PRDM6: variants seen among roughly 807,000 people sequenced by gnomAD.
PRDM6 encodes PR/SET domain 6.
Under a neutral mutation model 60.8 loss-of-function variants are expected in PRDM6, and 25 were observed. The ratio of observed to expected loss-of-function variants is 0.41; its 90% confidence interval spans 0.30 to 0.57. The LOEUF (loss-of-function observed/expected upper bound fraction) is 0.57. PRDM6 is among the 20% of genes least tolerant of loss of function. The probability of loss-of-function intolerance (pLI) is 0.27; values close to 1 mark genes in which losing one functional copy is unlikely to be tolerated. For synonymous variants in PRDM6, 407 were observed against 357.4 expected (o/e 1.14, Z -1.57); for missense variants, 839 against 821.3 (o/e 1.02, Z -0.26).
chr5:123,123,602 AT>A (rs771005158), intron 3 of PRDM6, among the ~76,000 whole-genome samples: 1 of 152,240 alleles, frequency 6.6e-6, no homozygotes, highest in African/African-American at 2.4e-5. Context: ...TGCAAAAAAA[AT>A]ATTTTACAAT....
At chr5:123,106,352 G>C (rs1764196855) in intron 3 of PRDM6, among the ~76,000 whole-genome samples, 1 of 152,308 alleles carries the variant, frequency 6.6e-6, no homozygotes, top group African/African-American at 2.4e-5. Flanking sequence ...AGCGCATCCA[G>C]CATCATCCAT....
At chr5:123,106,236 G>A (rs951827932) in intron 3 of PRDM6, among the ~76,000 whole-genome samples, 9 of 152,318 alleles carry the variant, frequency 5.9e-5, no homozygotes, top group East Asian at 1.9e-4. Context: ...TATGTGTGGC[G>A]GGCTTAGGGA....
chr5:123,089,871 G>A (rs1157895431), intron 1 of PRDM6, 129 bp from the exon 2 acceptor site: 9 of 662,030 alleles, frequency 1.4e-5, no homozygotes, highest in African/African-American at 1.3e-4. Context: ...TGGGAAGAGG[G>A]AGCCGCGGAA....
chr5:123,109,661 G>A (rs1009255845), intron 3 of PRDM6, among the ~76,000 whole-genome samples: 1 of 152,102 alleles, frequency 6.6e-6, no homozygotes, highest in Non-Finnish European at 1.5e-5. Flanking sequence ...CCATTGGATG[G>A]CTCTCATTTT....
rs1766352883 is a variant in PRDM6, at chr5:123,189,084, A to G, written c.*1883A>G. The G allele has an allele frequency of 6.6e-6, 1 of 152,236 alleles. No homozygotes were observed. Among genetic ancestry groups the G allele is most frequent in the South Asian group, 2.1e-4 (1 of 4,834 alleles). The allele number at this position is 152,236 out of a possible 1,614,324, so 9.4% of individuals were successfully genotyped here. A position where few individuals can be genotyped will look rare whatever the true frequency, so the allele number is the denominator to read the frequency against. On this transcript the variant is annotated 3_prime_UTR_variant, in exon 8 of 8. Coordinates refer to ENST00000407847, the MANE Select transcript of PRDM6 (RefSeq NM_001136239.4). Reference sequence around the variant, plus strand: ...AGTAGTAAGGAATCTATGCTGCTGTATAACAGTAGCTGATTGAAACTATTC... The same window carrying G: ...AGTAGTAAGGAATCTATGCTGCTGTGTAACAGTAGCTGATTGAAACTATTC...
chr5:123,161,179 G>A (rs1389069184), intron 5 of PRDM6, among the ~76,000 whole-genome samples: 1 of 152,152 alleles, frequency 6.6e-6, no homozygotes, highest in Non-Finnish European at 1.5e-5. Context: ...TGTTGTTGTG[G>A]TGTGTGTGTT....
At chr5:123,089,975 C>T in intron 1 of PRDM6, 25 bp from the exon 2 acceptor site, 1 of 1,505,226 alleles carries the variant, frequency 6.6e-7, no homozygotes, top group Non-Finnish European at 9.0e-7. Context: ...TCACGCGCCC[C>T]CTCTTCCCTG....
At chr5:123,122,390 G>A (rs1316073638) in intron 3 of PRDM6, among the ~76,000 whole-genome samples, 1 of 152,048 alleles carries the variant, frequency 6.6e-6, no homozygotes, top group Admixed American at 6.6e-5. Flanking sequence ...TTACCATCTA[G>A]TTCCCTAGTT....
intron 1 of PRDM6, 100 bp from the exon 2 acceptor site, chr5:123,089,900 A>G: frequency 1.1e-6 from 1 of 895,554 alleles, no homozygotes; most frequent in Non-Finnish European, 1.6e-6. Context: ...CCGCCGGCTG[A>G]ACCACCGGCT....
chr5:123,131,510 T>C (rs1453831986), intron 3 of PRDM6, among the ~76,000 whole-genome samples: 1 of 152,234 alleles, frequency 6.6e-6, no homozygotes, highest in Non-Finnish European at 1.5e-5. Context: ...GTTGACAGCA[T>C]TTACCGTATG....
chr5:123,116,916 TCAGCTTTC>T (rs1764462393), intron 3 of PRDM6, among the ~76,000 whole-genome samples: 1 of 152,214 alleles, frequency 6.6e-6, no homozygotes, highest in South Asian at 2.1e-4. Context: ...GACAGTGAAA[TCAGCTTTC>T]CATAATAACT....
rs1337695138 is a variant in PRDM6, at chr5:123,142,903, C to CAAAAAAAAAAAAAAAAAAAAAAAAAAAA, written c.901-12978_901-12977insAAAAAAAAAAAAAAAAAAAAAAAAAAAA. On this transcript the variant is annotated intron_variant, in intron 3 of 7. Transcript: ENST00000407847. ...AAAAAAAAAAAAAAAAAAAAAAAAA[C>CAAAAAAAAAAAAAAAAAAAAAAAAAAAA]AAACAAACCAAAGCAAAACAAAACA... is the stretch of plus-strand genomic sequence containing the variant. Among the ~76,000 whole-genome samples, 13 of 68,112 alleles carry CAAAAAAAAAAAAAAAAAAAAAAAAAAAA rather than the reference C, an allele frequency of 1.9e-4. 1 individual carries two copies. Among genetic ancestry groups the CAAAAAAAAAAAAAAAAAAAAAAAAAAAA allele is most frequent in the African/African-American group, 3.0e-4 (5 of 16,920 alleles). 44.7% of individuals were successfully genotyped at this position (68,112 alleles called of 152,430 possible). A position where few individuals can be genotyped will look rare whatever the true frequency, so the allele number is the denominator to read the frequency against.
chr5:123,124,756 C>T (rs1444921914), intron 3 of PRDM6, among the ~76,000 whole-genome samples: 1 of 152,056 alleles, frequency 6.6e-6, no homozygotes, highest in South Asian at 2.1e-4. Context: ...AGTTGGACGG[C>T]TCTGTCATTT....
At chr5:123,163,664 G>A (rs539795734) in intron 5 of PRDM6, among the ~76,000 whole-genome samples, 1 of 152,148 alleles carries the variant, frequency 6.6e-6, no homozygotes, top group Non-Finnish European at 1.5e-5. Flanking sequence ...GATCACATCC[G>A]CAAGAAGGAA....
chr5:123,118,571 G>A (rs140134706), intron 3 of PRDM6, among the ~76,000 whole-genome samples: 96 of 152,286 alleles, frequency 6.3e-4, no homozygotes, highest in African/African-American at 2.1e-3. Context: ...TAAAGATTAC[G>A]ATAAGTCTGG....
At chr5:123,151,311 C>T (rs1765363673) in intron 3 of PRDM6, among the ~76,000 whole-genome samples, 1 of 152,072 alleles carries the variant, frequency 6.6e-6, no homozygotes, top group Admixed American at 6.6e-5. Flanking sequence ...CCTTCGGATC[C>T]CACTTCCCCC....
At chr5:123,136,641 G>GAATAAATCAAATA (rs1764959712) in intron 3 of PRDM6, among the ~76,000 whole-genome samples, 1 of 152,180 alleles carries the variant, frequency 6.6e-6, no homozygotes, top group Non-Finnish European at 1.5e-5. Flanking sequence ...TAAGGGGCTG[G>GAATAAATCAAATA]AGATGTTATT....
intron 3 of PRDM6, among the ~76,000 whole-genome samples, chr5:123,132,829 C>G (rs553720845): frequency 1.3e-5 from 2 of 151,640 alleles, no homozygotes; most frequent in Non-Finnish European, 2.9e-5. Flanking sequence ...AAATTATGTC[C>G]CAGATATATT....
intron 6 of PRDM6, among the ~76,000 whole-genome samples, chr5:123,178,710 C>T (rs1189984976): frequency 6.6e-6 from 1 of 152,194 alleles, no homozygotes; most frequent in Non-Finnish European, 1.5e-5. Flanking sequence ...AATCAGGGCT[C>T]AGTGTGCTGA....
Sources: gnomAD v4.1 joint callset for allele counts (sites outside exome capture counted in the v4.1 genomes callset) on GRCh38, gnomAD v4.1.1 for gene constraint, MANE v1.5 for transcripts, NCBI Gene and HGNC (gene_info 2026-07-23, HGNC 2026-07-21) for gene names.